ACACA: variants seen among roughly 807,000 people sequenced by gnomAD.
The protein encoded by ACACA is acetyl-CoA carboxylase alpha.
A neutral mutation model predicts 296.1 loss-of-function variants in ACACA; 103 were observed. The ratio of observed to expected loss-of-function variants is 0.35; its 90% CI spans 0.30 to 0.41. ACACA has a LOEUF of 0.41. Among genes scored for constraint, ACACA ranks in the 10% least tolerant of loss-of-function variants. The pLI is 1.00. For synonymous variants in ACACA, 953 were observed against 1,038.6 expected (o/e 0.92, Z 1.58); for missense variants, 1,554 against 2,989.7 (o/e 0.52, Z 11.20).
intron 1 of ACACA, chr17:37,365,690 A>G (rs1414798844): frequency 6.1e-6 from 6 of 985,322 alleles, no homozygotes; most frequent in Non-Finnish European, 7.2e-6. Flanking sequence ...AAGAGCCTGA[A>G]GGAACTTCAT....
chr17:37,395,682 A>G (rs1250126438), intron 1 of ACACA, among the ~76,000 whole-genome samples: 1 of 152,056 alleles, frequency 6.6e-6, no homozygotes, highest in African/African-American at 2.4e-5. Flanking sequence ...AGCTGGGATT[A>G]CAGGCATGCA....
intron 1 of ACACA, among the ~76,000 whole-genome samples, chr17:37,357,319 C>T (rs955326273): frequency 6.6e-6 from 1 of 152,000 alleles, no homozygotes; most frequent in Non-Finnish European, 1.5e-5. Context: ...ATGGTGAAAC[C>T]CTGTCTCTAC....
At chr17:37,383,988 G>A (rs774715232) in intron 1 of ACACA, among the ~76,000 whole-genome samples, 20 of 152,056 alleles carry the variant, frequency 1.3e-4, no homozygotes, top group Admixed American at 5.9e-4. Flanking sequence ...AATTAGAGCC[G>A]GGCGCGGTGT....
intron 50 of ACACA, among the ~76,000 whole-genome samples, chr17:37,114,256 T>C (rs2074125949): frequency 6.6e-6 from 1 of 151,916 alleles, no homozygotes; most frequent in Non-Finnish European, 1.5e-5. Flanking sequence ...GACTACACTT[T>C]GTAGACTGGG....
In ACACA at chr17:37,232,843, T is replaced by A. The variant is rs113143072; in HGVS notation, c.3246+2132A>T. 1.5e-3 allele frequency among the ~76,000 whole-genome samples: 226 copies of A among 152,098 alleles called. 2 individuals are homozygous for A. Among genetic ancestry groups the A allele is most frequent in the Admixed American group, 2.9e-3 (44 of 15,274 alleles). ...GAAAGGGACAAATCTGGCTTCCTGG[T>A]TCACATGTTCAACCGTCCTTATCCT... On this transcript the variant is annotated intron_variant, in intron 25 of 55. Transcript: ENST00000616317.
intron 32 of ACACA, among the ~76,000 whole-genome samples, 195 bp downstream of exon 32, chr17:37,206,588 T>C (rs773573992): frequency 4.6e-5 from 7 of 152,150 alleles, no homozygotes; most frequent in Non-Finnish European, 7.4e-5. Context: ...AAAATTAATA[T>C]AGTTTTTTTA....
chr17:37,390,330 A>ATATATATATATCTATATCTATATATC (rs1386032855), intron 1 of ACACA, among the ~76,000 whole-genome samples: 5 of 41,592 alleles, frequency 1.2e-4, no homozygotes, highest in African/African-American at 5.1e-4. Context: ...ATATATATAT[A>ATATATATATATCTATATCTATATATC]TATAAAAGGC....
intron 3 of ACACA, chr17:37,299,706 A>C: frequency 9.9e-7 from 1 of 1,011,228 alleles, no homozygotes; most frequent in Non-Finnish European, 1.2e-6. Flanking sequence ...AAACATTTTC[A>C]ACAACAGTCA....
intron 41 of ACACA, among the ~76,000 whole-genome samples, chr17:37,169,486 A>T (rs1366825108): frequency 6.6e-6 from 1 of 152,218 alleles, no homozygotes; most frequent in East Asian, 1.9e-4. Flanking sequence ...TCTACCTAAG[A>T]ATAGCTTCAT....
chr17:37,359,082 C>G, intron 1 of ACACA: 1 of 985,760 alleles, frequency 1.0e-6, no homozygotes, highest in Non-Finnish European at 1.2e-6. Flanking sequence ...GCCGGCGGCT[C>G]GGGCGATGGC....
intron 40 of ACACA, among the ~76,000 whole-genome samples, chr17:37,179,799 C>T (rs958095865): frequency 2.0e-5 from 3 of 152,128 alleles, no homozygotes; most frequent in Non-Finnish European, 2.9e-5. Context: ...TGACATGACG[C>T]TCAGCTAATA....
intron 3 of ACACA, among the ~76,000 whole-genome samples, chr17:37,318,033 A>C (rs1425085689): frequency 6.6e-6 from 1 of 152,174 alleles, no homozygotes; most frequent in Non-Finnish European, 1.5e-5. Context: ...GAAAGTTTGG[A>C]GAGCTATTAG....
At position 37,247,860 on chromosome 17, in the gene ACACA, T is replaced by C. The variant is rs977504305; in HGVS notation, c.2309+151A>G. 4 of 820,558 alleles carry C rather than the reference T, an allele frequency of 4.9e-6. No individual in the cohort carries two copies. In the African/African-American group the frequency reaches 5.2e-5, roughly 11 times the overall value. 50.8% of individuals were successfully genotyped at this position (820,558 alleles called of 1,614,324 possible). On this transcript the variant is annotated intron_variant, in intron 18 of 55. Coordinates refer to ENST00000616317, the MANE Select transcript of ACACA (RefSeq NM_198834.3). ...TTTAATTATAAACACTTTAATACTC[T>C]TGATATTTTTGTTAAGTGCATGTAC...
rs779504449 is a variant in ACACA, at chr17:37,386,105, G to A, written c.38+20157C>T. 29 of 1,583,308 alleles carry A rather than the reference G, an allele frequency of 1.8e-5. No homozygotes were observed. In the South Asian group the frequency reaches 3.1e-4, roughly 17 times the overall value. The stretch of plus-strand genomic sequence containing the variant: ...TCTATAACTCCTGGGAATAAAGAAG[G>A]AGAGAAAACTACAAGTACCGGTAAT... On this transcript the variant is annotated intron_variant, in intron 1 of 55. Transcript: ENST00000616317.
chr17:37,299,834 A>T (rs2083534111), intron 3 of ACACA: 1 of 984,896 alleles, frequency 1.0e-6, no homozygotes, highest in African/African-American at 1.7e-5. Context: ...AAGCCAAGAA[A>T]ATAATGGGCT....
At chr17:37,112,920 T>G (rs2074056352) in intron 51 of ACACA, among the ~76,000 whole-genome samples, 168 bp downstream of exon 51, 1 of 152,148 alleles carries the variant, frequency 6.6e-6, no homozygotes, top group African/African-American at 2.4e-5. Flanking sequence ...GTCTTCAGCT[T>G]CCTGAAATGC....
intron 50 of ACACA, among the ~76,000 whole-genome samples, chr17:37,117,896 C>T: frequency 6.6e-6 from 1 of 151,958 alleles, no homozygotes. Context: ...ACCCACAGTG[C>T]AGTCGGCTCC....
At chr17:37,182,822 T>C (rs1263221091) in intron 39 of ACACA, among the ~76,000 whole-genome samples, 1 of 152,214 alleles carries the variant, frequency 6.6e-6, no homozygotes, top group East Asian at 1.9e-4. Flanking sequence ...ACAGTTCATC[T>C]GTAAATCCTT....
rs528538698 is a variant in ACACA, at chr17:37,285,093, C to T, written c.339-123G>A. On this transcript the variant is annotated intron_variant, in intron 3 of 55. Coordinates refer to ENST00000616317, the MANE Select transcript of ACACA (RefSeq NM_198834.3). Reference sequence around the variant, plus strand: ...GTGAAGACTGCATGCTGGCAGGTCACGTACTTTTCAAATAAAAGAGAGAAA... The same window carrying T: ...GTGAAGACTGCATGCTGGCAGGTCATGTACTTTTCAAATAAAAGAGAGAAA... The T allele has an allele frequency of 2.6e-5, 29 of 1,097,382 alleles. No individual in the cohort carries two copies. In the East Asian group the frequency reaches 3.3e-4, roughly 13 times the overall value. The allele number at this position is 1,097,382 out of a possible 1,614,324, so 68.0% of individuals were successfully genotyped here.
Sources: gnomAD v4.1 joint callset for allele counts (sites outside exome capture counted in the v4.1 genomes callset) on GRCh38, gnomAD v4.1.1 for gene constraint, MANE v1.5 for transcripts, NCBI Gene and HGNC (gene_info 2026-07-23, HGNC 2026-07-21) for gene names.